TMEM178B: variants seen among roughly 807,000 people sequenced by gnomAD.
The protein encoded by TMEM178B is transmembrane protein 178B.
TMEM178B carries 5 observed loss-of-function variants against 31.0 expected under a neutral mutation model. The observed-to-expected ratio is 0.16, with a 90% CI of 0.08 to 0.34. The LOEUF is 0.34. TMEM178B is among the 10% of genes least tolerant of loss of function. TMEM178B has a pLI of 1.00. For synonymous variants in TMEM178B, 164 were observed against 164.0 expected (o/e 1.00, Z 0.00); for missense variants, 275 against 400.3 (o/e 0.69, Z 2.67).
rs968554968 is a variant in TMEM178B, at chr7:141,345,688, T to C, written c.497-91920T>C. ...GATCTCATGTGAAAACGAACACTTA[T>C]CTCTCGAAGAAAAAAGTTAAAGAGG... On this transcript the variant is annotated intron_variant, in intron 2 of 3. Coordinates refer to ENST00000565468, the MANE Select transcript of TMEM178B (RefSeq NM_001195278.2). Among the ~76,000 whole-genome samples, 6 of 152,346 alleles carry C rather than the reference T, an allele frequency of 3.9e-5. No homozygotes were observed. The East Asian group carries it at 5.8e-4, about 15-fold the overall frequency.
intron 2 of TMEM178B, among the ~76,000 whole-genome samples, chr7:141,401,058 C>T (rs1329680585): frequency 6.6e-6 from 1 of 152,204 alleles, no homozygotes; most frequent in African/African-American, 2.4e-5. Flanking sequence ...TCCAAGTCTC[C>T]AGTGGGTCAT....
At chr7:141,359,421 A>G (rs543745234) in intron 2 of TMEM178B, among the ~76,000 whole-genome samples, 2 of 152,158 alleles carry the variant, frequency 1.3e-5, no homozygotes, top group Non-Finnish European at 2.9e-5. Context: ...TCTTGGATTC[A>G]CTCCATCCAA....
chr7:141,103,840 A>G (rs1795097573), intron 1 of TMEM178B, among the ~76,000 whole-genome samples: 1 of 152,200 alleles, frequency 6.6e-6, no homozygotes, highest in Admixed American at 6.5e-5. Flanking sequence ...AGACTGTATT[A>G]GTGGTGGAAT....
At chr7:141,438,696 TAAAAAAAAA>T (rs869132131) in intron 3 of TMEM178B, among the ~76,000 whole-genome samples, 886 of 29,022 alleles carry the variant, frequency 0.031, 38 homozygotes, top group African/African-American at 0.075. Context: ...CCGTCTCTAC[TAAAAAAAAA>T]AAAAAAAAAA....
chr7:141,304,729 G>A (rs528771660), intron 2 of TMEM178B, among the ~76,000 whole-genome samples: 1 of 152,140 alleles, frequency 6.6e-6, no homozygotes, highest in South Asian at 2.1e-4. Flanking sequence ...CCTCACTCTA[G>A]CACTTCACCC....
chr7:141,458,927 G>A (rs1307463475), intron 3 of TMEM178B, among the ~76,000 whole-genome samples: 1 of 152,216 alleles, frequency 6.6e-6, no homozygotes, highest in Non-Finnish European at 1.5e-5. Context: ...AAACACCTCA[G>A]CAATCACATA....
At chr7:141,105,921 C>A (rs1479667050) in intron 1 of TMEM178B, among the ~76,000 whole-genome samples, 1 of 151,868 alleles carries the variant, frequency 6.6e-6, no homozygotes. Context: ...ATAGTGAAAC[C>A]CTGTGTCTAC....
chr7:141,231,421 T>A (rs1797441764), intron 2 of TMEM178B, among the ~76,000 whole-genome samples: 1 of 152,212 alleles, frequency 6.6e-6, no homozygotes, highest in Non-Finnish European at 1.5e-5. Flanking sequence ...AATCCATTAA[T>A]GTAATCAATG....
Position 141,471,756 on chromosome 7 carries a change from AGATC to A in TMEM178B, c.*971_*974del, listed in dbSNP as rs1254114176. On this transcript the variant is annotated 3_prime_UTR_variant, in exon 4 of 4. Transcript: ENST00000565468. This position sits in a 1 kb window ranked among gnomAD's most constrained non-coding sequence, Gnocchi z 4.1. ...ATAAGGGTGCCAATTCTGCAGCTAC[AGATC>A]CCTGGAGTGGTGTGTGTGTGCGTGT... 7 of 148,462 alleles carry A rather than the reference AGATC, an allele frequency of 4.7e-5. No homozygotes were observed. The highest frequency in any genetic ancestry group is 8.9e-5 in the Non-Finnish European group (6 of 67,690). The allele number at this position is 148,462 out of a possible 1,614,324, so 9.2% of individuals were successfully genotyped here.
chr7:141,128,742 C>T (rs1021024589), intron 1 of TMEM178B, among the ~76,000 whole-genome samples: 1 of 152,088 alleles, frequency 6.6e-6, no homozygotes, highest in Admixed American at 6.6e-5. Context: ...CATCACTTCT[C>T]CTGCTAAGAG....
chr7:141,332,391 C>G (rs1236719052), intron 2 of TMEM178B, among the ~76,000 whole-genome samples: 1 of 152,208 alleles, frequency 6.6e-6, no homozygotes, highest in Non-Finnish European at 1.5e-5. Flanking sequence ...TGTACTGATA[C>G]ACCTAAAAAG....
intron 1 of TMEM178B, among the ~76,000 whole-genome samples, chr7:141,129,307 A>G (rs1795556922): frequency 6.6e-6 from 1 of 152,246 alleles, no homozygotes; most frequent in South Asian, 2.1e-4. Flanking sequence ...GAGATGTCAT[A>G]TAAGAAATAT....
At chr7:141,262,473 TAATA>T (rs1464279771) in intron 2 of TMEM178B, among the ~76,000 whole-genome samples, 7 of 51,352 alleles carry the variant, frequency 1.4e-4, no homozygotes, top group East Asian at 1.1e-3. Context: ...TAAATACATA[TAATA>T]TATATATATA....
At chr7:141,103,971 G>A (rs887024347) in intron 1 of TMEM178B, among the ~76,000 whole-genome samples, 1 of 152,076 alleles carries the variant, frequency 6.6e-6, no homozygotes, top group Non-Finnish European at 1.5e-5. Context: ...ATCTTCCCTT[G>A]GGGTCACTGG....
intron 2 of TMEM178B, among the ~76,000 whole-genome samples, chr7:141,259,822 A>G (rs1797984847): frequency 6.6e-6 from 1 of 152,162 alleles, no homozygotes; most frequent in African/African-American, 2.4e-5. Flanking sequence ...TGAAGAATCT[A>G]TGGATGGATT....
intron 1 of TMEM178B, among the ~76,000 whole-genome samples, chr7:141,129,117 T>C (rs1012094173): frequency 6.6e-5 from 10 of 152,328 alleles, no homozygotes; most frequent in Admixed American, 5.9e-4. Context: ...ACTGCCCATT[T>C]CAGGGATGCC....
chr7:141,314,443 A>G (rs940100918), intron 2 of TMEM178B, among the ~76,000 whole-genome samples: 2 of 152,208 alleles, frequency 1.3e-5, no homozygotes, highest in African/African-American at 4.8e-5. Context: ...AGTCACTGCC[A>G]TGTTTGTGGC....
In TMEM178B at chr7:141,340,562, G is replaced by T. The variant is rs115407737; in HGVS notation, c.497-97046G>T. Among the ~76,000 whole-genome samples the T allele has an allele frequency of 9.9e-3, 1,509 of 152,312 alleles. 31 individuals are homozygous for T. The highest frequency in any genetic ancestry group is 0.034 in the African/African-American group (1,412 of 41,542). On this transcript the variant is annotated intron_variant, in intron 2 of 3. Coordinates refer to ENST00000565468, the MANE Select transcript of TMEM178B (RefSeq NM_001195278.2). ...TTGTCAAAAGTCGCCTATATCAAGA[G>T]ATATTGTGTGCTCCTCAGAGGAATC...
chr7:141,214,372 C>T (rs1797098201), intron 2 of TMEM178B, among the ~76,000 whole-genome samples: 1 of 152,056 alleles, frequency 6.6e-6, no homozygotes, highest in Non-Finnish European at 1.5e-5. Flanking sequence ...ATACCGAGGC[C>T]ACAGAGGGCT....
Sources: allele counts gnomAD v4.1 joint callset (sites outside exome capture counted in the v4.1 genomes callset), GRCh38; gene constraint gnomAD v4.1.1; non-coding constraint Gnocchi (gnomAD v3.1); transcripts MANE v1.5; gene names NCBI Gene and HGNC (gene_info 2026-07-23, HGNC 2026-07-21).